The following RGL1 variants were observed in gnomAD, a reference collection of about 807,000 sequenced individuals.
RGL1 encodes the protein ral guanine nucleotide dissociation stimulator-like 1.
In RGL1, 24 loss-of-function variants were observed where a neutral mutation model predicts 95.2. The observed-to-expected ratio is 0.25, with a 90% confidence interval of 0.18 to 0.35. The LOEUF (loss-of-function observed/expected upper bound fraction) is 0.35. Among genes scored for constraint, RGL1 ranks in the 10% least tolerant of loss-of-function variants. The pLI is 1.00. For missense variants in RGL1, 715 were observed against 936.3 expected, an observed-to-expected ratio of 0.76 and a Z score of 3.08; for synonymous variants, 329 against 344.9, an observed-to-expected ratio of 0.95 and a Z score of 0.51.
At chr1:183,896,601 C>T (rs1052908128) in intron 9 of RGL1, among the ~76,000 whole-genome samples, 5 of 152,088 alleles carry the variant, frequency 3.3e-5, no homozygotes, top group Non-Finnish European at 5.9e-5. Context: ...AGGTCACGTG[C>T]TATGGTAATA....
At chr1:183,687,071 C>T (rs1345015778) in intron 1 of RGL1, among the ~76,000 whole-genome samples, 1 of 152,220 alleles carries the variant, frequency 6.6e-6, no homozygotes, top group Admixed American at 6.5e-5. Context: ...CATCTCTTAC[C>T]TAGGCTAACA....
chr1:183,802,341 T>C (rs1661037329), upstream of RGL1, among the ~76,000 whole-genome samples: 1 of 152,196 alleles, frequency 6.6e-6, no homozygotes, highest in South Asian at 2.1e-4. Flanking sequence ...TTACTGTGGC[T>C]TTGTAATATG....
intron 2 of RGL1, among the ~76,000 whole-genome samples, chr1:183,823,076 ACTT>A (rs1293866060): frequency 6.6e-6 from 1 of 152,112 alleles, no homozygotes; most frequent in East Asian, 1.9e-4. Flanking sequence ...AGCACTTTGT[ACTT>A]CTTTTTTTTA....
chr1:183,771,468 G>A (rs972706548), intron 2 of RGL1, among the ~76,000 whole-genome samples: 2 of 152,120 alleles, frequency 1.3e-5, no homozygotes, highest in Non-Finnish European at 2.9e-5. Flanking sequence ...AAACTTGGGA[G>A]TCTCCTTTTT....
intron 9 of RGL1, 25 bp from the exon 10 acceptor site, chr1:183,897,783 C>T (rs1558280287): frequency 5.1e-6 from 8 of 1,567,968 alleles, no homozygotes; most frequent in Non-Finnish European, 7.0e-6. Context: ...TATCAATTCC[C>T]TCTGTGTGCA....
intron 3 of RGL1, among the ~76,000 whole-genome samples, chr1:183,855,696 G>A (rs533856009): frequency 3.9e-5 from 6 of 152,228 alleles, no homozygotes; most frequent in South Asian, 2.1e-4. Context: ...TCCCAGTGTC[G>A]CCTCTAGGGT....
chr1:183,835,258 T>C (rs554375597), intron 2 of RGL1, among the ~76,000 whole-genome samples: 2 of 141,092 alleles, frequency 1.4e-5, no homozygotes, highest in Non-Finnish European at 3.1e-5. Flanking sequence ...TCAGAATTTA[T>C]AAATCTGCCC....
Position 183,892,176 on chromosome 1 carries a change from G to A in RGL1, c.1140+15G>A. On this transcript the variant is annotated intron_variant, in intron 9 of 17. Coordinates refer to ENST00000360851, the MANE Select transcript of RGL1 (RefSeq NM_001297671.3). ...TACTGATGAAGGTGAGGCTCTTAGT[G>A]AGGCTGCTGTGTAGTGCTGTTAATA... 6.3e-7 allele frequency: 1 copy of A among 1,578,466 alleles called. No homozygotes were observed. Among genetic ancestry groups the A allele is most frequent in the East Asian group, 2.2e-5 (1 of 44,614 alleles).
chr1:183,807,283 G>A (rs1661409224), intron 2 of RGL1, among the ~76,000 whole-genome samples: 1 of 152,184 alleles, frequency 6.6e-6, no homozygotes, highest in African/African-American at 2.4e-5. Context: ...CTCAGACCAG[G>A]CGGTGAGAGG....
At chr1:183,750,843 G>T (rs2102280973) in intron 2 of RGL1, among the ~76,000 whole-genome samples, 1 of 152,360 alleles carries the variant, frequency 6.6e-6, no homozygotes, top group Non-Finnish European at 1.5e-5. Context: ...TCTGGAGTTT[G>T]CTGGAGGTTC....
chr1:183,788,878 C>T (rs576328015), intron 2 of RGL1, among the ~76,000 whole-genome samples: 1 of 152,162 alleles, frequency 6.6e-6, no homozygotes, highest in Admixed American at 6.5e-5. Context: ...CTCCCTCTAA[C>T]TCTCCAATTC....
intron 2 of RGL1, among the ~76,000 whole-genome samples, chr1:183,807,773 A>G (rs72733417): frequency 0.01 from 1,581 of 152,362 alleles, 11 homozygotes; most frequent in Non-Finnish European, 0.016. Context: ...GGAGCTTTCC[A>G]GTGAGAACTA....
chr1:183,900,037 C>A, intron 10 of RGL1, 113 bp from the exon 11 acceptor site: 1 of 703,106 alleles, frequency 1.4e-6, no homozygotes. Context: ...AGGTTAGCAC[C>A]ACTGGCCCGC....
At chr1:183,814,293 G>A (rs1661932801) in intron 2 of RGL1, among the ~76,000 whole-genome samples, 1 of 152,018 alleles carries the variant, frequency 6.6e-6, no homozygotes, top group South Asian at 2.1e-4. Flanking sequence ...GACTGCATAT[G>A]TTTCCCAATG....
chr1:183,916,553 A>T lies in RGL1; in HGVS notation c.1856A>T (p.Asn619Ile), dbSNP rs149248998. The change falls in exon 16 of 18, where the codon AAC (asparagine) becomes ATC (isoleucine). Residue 619 changes from asparagine to isoleucine, a missense_variant. Around this residue, in one of 3 missense-constraint regions of RGL1, gnomAD observed 330 missense variants for 429.6 expected, o/e 0.77. Coordinates refer to ENST00000360851, the MANE Select transcript of RGL1 (RefSeq NM_001297671.3). ...CTCTCCTCCCCTCCGTCCTGCAACAACAACCCCAAAATCCACAAGCGCTCT... is the reference window on the plus strand; with the variant it reads ...CTCTCCTCCCCTCCGTCCTGCAACATCAACCCCAAAATCCACAAGCGCTCT... ...NPLSSPPSCN[N>I]NPKIHKRSVS... The T allele has an allele frequency of 1.9e-6, 3 of 1,612,336 alleles. No individual in the cohort carries two copies. The East Asian group carries it at 6.7e-5, about 36-fold the overall frequency.
chr1:183,765,611 A>T (rs1490733163), intron 2 of RGL1, among the ~76,000 whole-genome samples: 3 of 152,232 alleles, frequency 2.0e-5, no homozygotes, highest in African/African-American at 7.2e-5. Context: ...TTATGAACAC[A>T]TCAGCCTTTC....
chr1:183,883,780 G>C lies in RGL1; in HGVS notation c.611-6G>C, dbSNP rs10797919. 701,156 of 1,612,180 alleles carry C rather than the reference G, an allele frequency of 0.43. 153,995 individuals are homozygous for C. The highest frequency in any genetic ancestry group is 0.51 in the East Asian group (23,030 of 44,838). On this transcript the variant is annotated splice_region_variant and splice_polypyrimidine_tract_variant and intron_variant, in intron 5 of 17. Transcript: ENST00000360851. ...CAAATTACTAATCTTTTCCATATGT[G>C]AACAGATGGGCTTCCCAACACGATC... is the stretch of plus-strand genomic sequence containing the variant.
intron 2 of RGL1, among the ~76,000 whole-genome samples, chr1:183,838,133 G>T (rs1663793235): frequency 2.0e-5 from 3 of 152,294 alleles, no homozygotes; most frequent in Middle Eastern, 3.4e-3. Context: ...GAAAAATGTG[G>T]TCGGCAAACT....
chr1:183,645,647 G>A (rs1234681330), intron 1 of RGL1, among the ~76,000 whole-genome samples: 2 of 152,224 alleles, frequency 1.3e-5, no homozygotes, highest in African/African-American at 4.8e-5. Flanking sequence ...AGTGAGCAAG[G>A]AAAGCTAATC....
Sources: allele counts gnomAD v4.1 joint callset (sites outside exome capture counted in the v4.1 genomes callset), GRCh38; gene constraint gnomAD v4.1.1; regional missense constraint gnomAD v4.1.1; transcripts MANE v1.5; gene names NCBI Gene and HGNC (gene_info 2026-07-23, HGNC 2026-07-21).